BNIP5: variants seen among roughly 807,000 people sequenced by gnomAD.
BNIP5 encodes BCL2 interacting protein 5.
A neutral mutation model predicts 67.3 loss-of-function variants in BNIP5; 61 were observed. That is an observed-to-expected ratio of 0.91 (90% confidence interval 0.74 to 1.12). The LOEUF is 1.12. Ranked by LOEUF, BNIP5 falls within the 50% of genes most tolerant of loss-of-function variation. The pLI, the probability that BNIP5 is intolerant of heterozygous loss-of-function variation, is 0.00. For synonymous variants in BNIP5, 317 were observed against 319.0 expected (o/e 0.99, Z 0.07); for missense variants, 826 against 816.3 (o/e 1.01, Z -0.14).
intron 9 of BNIP5, among the ~76,000 whole-genome samples, chr6:36,321,661 C>G (rs1442609538): frequency 6.6e-6 from 1 of 152,188 alleles, no homozygotes; most frequent in Non-Finnish European, 1.5e-5. Flanking sequence ...AGCGGTGTGC[C>G]AGGGCCTACT....
At chr6:36,330,824 C>T (rs1323688320) in intron 1 of BNIP5, 130 bp from the exon 2 acceptor site, 48 of 1,235,142 alleles carry the variant, frequency 3.9e-5, no homozygotes, top group Middle Eastern at 5.3e-4. Flanking sequence ...AGTGCAGTGG[C>T]GCTATCTCAG....
chr6:36,321,327 TC>T, intron 9 of BNIP5, 108 bp from the exon 10 acceptor site: 1 of 808,894 alleles, frequency 1.2e-6, no homozygotes, highest in East Asian at 2.7e-5. Flanking sequence ...GACAATATTT[TC>T]TCTCTAAAAC....
At position 36,319,583 on chromosome 6, in the gene BNIP5, A is replaced by T; in HGVS notation, c.1696T>A (p.Phe566Ile). The change falls in exon 11 of 12, where the codon TTT becomes ATT. Residue 566 changes from phenylalanine to isoleucine, a missense_variant. By Grantham distance (21) the Phe-to-Ile change is conservative. Coordinates refer to ENST00000437635, the MANE Select transcript of BNIP5 (RefSeq NM_001010903.5). ...QIRRHPSFKR[F>I]FYEFSDSSLS... ...GAGGAGTCCGAGAACTCGTAAAAAA[A>T]CCTCTTAAAGCTGGGGTGGCGCCTG... 2 of 1,613,074 alleles carry T rather than the reference A, an allele frequency of 1.2e-6. No individual in the cohort carries two copies. The highest frequency in any genetic ancestry group is 1.7e-6 in the Non-Finnish European group (2 of 1,179,206).
At chr6:36,326,956 A>C in intron 4 of BNIP5, 74 bp downstream of exon 4, 1 of 1,466,828 alleles carries the variant, frequency 6.8e-7, no homozygotes, top group Non-Finnish European at 9.6e-7. Flanking sequence ...GCCTGCAAGG[A>C]CAGGTGGAGC....
chr6:36,330,574 C>T lies in BNIP5; in HGVS notation c.117G>A (p.Leu39=), dbSNP rs1294874873. The part of the protein sequence containing the change: ...SESWDCHWLS[L]PTAPSRKALH... ...GCGCCTTCCTGGAGGGGGCAGTGGG[C>T]AGGGAGAGCCAATGGCAGTCCCACG... The change falls in exon 2 of 12, where the codon CTG becomes CTA. Residue 39 remains leucine, a synonymous_variant. Coordinates refer to ENST00000437635, the MANE Select transcript of BNIP5 (RefSeq NM_001010903.5). 2 of 1,613,460 alleles carry T rather than the reference C, an allele frequency of 1.2e-6. No homozygotes were observed. Among genetic ancestry groups the T allele is most frequent in the Admixed American group, 1.7e-5 (1 of 60,030 alleles).
chr6:36,324,557 T>G (rs1771711732), intron 6 of BNIP5, among the ~76,000 whole-genome samples: 1 of 96,814 alleles, frequency 1.0e-5, no homozygotes, highest in African/African-American at 4.5e-5. Context: ...CCAGGTCTTT[T>G]CAGACCTGAC....
intron 10 of BNIP5, among the ~76,000 whole-genome samples, chr6:36,320,572 C>T (rs1185115721): frequency 2.0e-5 from 3 of 152,222 alleles, no homozygotes; most frequent in South Asian, 4.1e-4. Flanking sequence ...GCACCCAGAG[C>T]GTCCGCTATG....
At chr6:36,317,948 C>T (rs1217867772) in intron 11 of BNIP5, among the ~76,000 whole-genome samples, 1 of 152,140 alleles carries the variant, frequency 6.6e-6, no homozygotes, top group Non-Finnish European at 1.5e-5. Flanking sequence ...CTAAGCCACC[C>T]TAGAGGGCAA....
rs765203762 is a variant in BNIP5 at position 36,324,182 on chromosome 6, T to C, written c.1177A>G (p.Ile393Val). 6 of 1,613,546 alleles carry C rather than the reference T, an allele frequency of 3.7e-6. No individual in the cohort carries two copies. The East Asian group carries it at 1.3e-4, about 36-fold the overall frequency. Residue 393 changes from isoleucine to valine, a missense_variant, in exon 7 of 12, where the codon ATT becomes GTT. Physicochemically the swap from Ile to Val is conservative, Grantham distance 29. Transcript: ENST00000437635. ...LDRASEYKEFIQKIISMLQDA... is the reference protein window; with the variant it reads ...LDRASEYKEFVQKIISMLQDA... ...TGGAGCATGGAAATGATCTTCTGAA[T>C]GAATTCTTCTGAAAAAGATCAACAC...
rs1771630388 is a variant in BNIP5 at position 36,321,233 on chromosome 6, A to T, written c.1604-14T>A. 3 of 1,582,992 alleles carry T rather than the reference A, an allele frequency of 1.9e-6. No homozygotes were observed. In the African/African-American group the frequency reaches 4.0e-5, roughly 21 times the overall value. ...TGATGATCTCCTCTAAGGAAAAGAA[A>T]GGAGGATTGAGTGACTGTTGACTGG... is the stretch of plus-strand genomic sequence containing the variant. On this transcript the variant is annotated splice_polypyrimidine_tract_variant and intron_variant, in intron 9 of 11. Transcript: ENST00000437635.
At chr6:36,335,465 T>C (rs1468445279) in intron 1 of BNIP5, among the ~76,000 whole-genome samples, 1 of 152,126 alleles carries the variant, frequency 6.6e-6, no homozygotes, top group Non-Finnish European at 1.5e-5. Flanking sequence ...CAGACCAACA[T>C]GGACTCAAGA....
At chr6:36,324,579 A>T (rs1235701600) in intron 6 of BNIP5, among the ~76,000 whole-genome samples, 3 of 1,742 alleles carry the variant, frequency 1.7e-3, no homozygotes, top group African/African-American at 4.6e-3. Flanking sequence ...GTGATATTAT[A>T]TATATATATA....
At chr6:36,320,464 C>G (rs531123481) in intron 10 of BNIP5, among the ~76,000 whole-genome samples, 28 of 152,288 alleles carry the variant, frequency 1.8e-4, no homozygotes, top group African/African-American at 6.7e-4. Flanking sequence ...TTAATTCTGC[C>G]CCCCACATGA....
chr6:36,318,055 C>T (rs1239457549), intron 11 of BNIP5, among the ~76,000 whole-genome samples: 5 of 152,038 alleles, frequency 3.3e-5, no homozygotes, highest in Admixed American at 3.3e-4. Context: ...GAAAATGAAC[C>T]GAAGTAGAGG....
intron 8 of BNIP5, among the ~76,000 whole-genome samples, chr6:36,322,900 G>A (rs1771667802): frequency 6.6e-6 from 1 of 152,214 alleles, no homozygotes. Context: ...TGGCCCTCAG[G>A]CTTTGGTGTA....
In BNIP5 at chr6:36,321,220, C is replaced by T; in HGVS notation, c.1604-1G>A. 1 of 1,593,748 alleles carries T rather than the reference C, an allele frequency of 6.3e-7. No individual in the cohort carries two copies. The highest frequency in any genetic ancestry group is 8.6e-7 in the Non-Finnish European group (1 of 1,169,044). On this transcript the variant is annotated splice_acceptor_variant, in intron 9 of 11. Transcript: ENST00000437635. LOFTEE classifies it high-confidence loss of function. ...ACAAGCTTCTGGATGATGATCTCCTCTAAGGAAAAGAAAGGAGGATTGAGT... is the reference window on the plus strand; with the variant it reads ...ACAAGCTTCTGGATGATGATCTCCTTTAAGGAAAAGAAAGGAGGATTGAGT...
At chr6:36,334,889 G>C (rs980962325) in intron 1 of BNIP5, among the ~76,000 whole-genome samples, 1 of 152,184 alleles carries the variant, frequency 6.6e-6, no homozygotes, top group African/African-American at 2.4e-5. Context: ...TGTGCAGACT[G>C]TGCTCCAGAC....
chr6:36,336,065 G>A (rs1486310190), intron 1 of BNIP5, among the ~76,000 whole-genome samples: 1 of 151,984 alleles, frequency 6.6e-6, no homozygotes, highest in Non-Finnish European at 1.5e-5. Flanking sequence ...CCAAGACCAC[G>A]GGCAATGCAA....
chr6:36,327,580 C>T (rs1446409450), intron 3 of BNIP5, among the ~76,000 whole-genome samples: 4 of 152,154 alleles, frequency 2.6e-5, no homozygotes, highest in Non-Finnish European at 5.9e-5. Flanking sequence ...ATGGTAGATA[C>T]CTGGGCTAAC....
Sources: gnomAD v4.1 joint callset for allele counts (sites outside exome capture counted in the v4.1 genomes callset) on GRCh38, gnomAD v4.1.1 for gene constraint, MANE v1.5 for transcripts, NCBI Gene and HGNC (gene_info 2026-07-23, HGNC 2026-07-21) for gene names.